Variants in RGS17 observed in about 807,000 individuals in gnomAD.
RGS17 encodes regulator of G protein signaling 17.
Under a neutral mutation model 25.5 loss-of-function variants are expected in RGS17, and 12 were observed. The observed-to-expected ratio is 0.47, with a 90% CI of 0.30 to 0.76. The LOEUF (loss-of-function observed/expected upper bound fraction) is 0.76. Ranked by LOEUF, RGS17 falls within the 30% of genes least tolerant of loss-of-function variation. The probability of loss-of-function intolerance (pLI) is 0.07; values close to 1 mark genes in which losing one functional copy is unlikely to be tolerated. For missense variants in RGS17, 196 were observed against 242.2 expected (o/e 0.81, Z 1.27); for synonymous variants, 71 against 76.9 (o/e 0.92, Z 0.40).
chr6:153,027,542 TC>T (rs1779315676), intron 2 of RGS17, among the ~76,000 whole-genome samples: 1 of 152,152 alleles, frequency 6.6e-6, no homozygotes, highest in South Asian at 2.1e-4. Context: ...TCTCATTTGT[TC>T]CTTCTTTCAC....
chr6:153,058,526 C>T (rs1027541690), intron 1 of RGS17, among the ~76,000 whole-genome samples: 3 of 152,154 alleles, frequency 2.0e-5, no homozygotes, highest in Non-Finnish European at 4.4e-5. Context: ...TCATTATAAC[C>T]GTCGCTGTCT....
intron 1 of RGS17, among the ~76,000 whole-genome samples, chr6:153,078,568 T>C (rs994978129): frequency 2.6e-5 from 4 of 151,084 alleles, no homozygotes; most frequent in Non-Finnish European, 5.9e-5. Flanking sequence ...AACTTACAAA[T>C]TGCTTTTAAA....
At chr6:153,051,886 G>C (rs369627374) in intron 1 of RGS17, among the ~76,000 whole-genome samples, 184 of 152,316 alleles carry the variant, frequency 1.2e-3, no homozygotes, top group African/African-American at 4.3e-3. Flanking sequence ...GACTGAATTA[G>C]CTACCTCAGC....
At chr6:153,095,536 G>T (rs1777197499) in intron 1 of RGS17, among the ~76,000 whole-genome samples, 1 of 152,034 alleles carries the variant, frequency 6.6e-6, no homozygotes, top group African/African-American at 2.4e-5. Context: ...AATATAGCAG[G>T]CTTTGGGATA....
chr6:153,105,450 TA>T (rs541483994), intron 1 of RGS17, among the ~76,000 whole-genome samples: 4 of 151,968 alleles, frequency 2.6e-5, no homozygotes, highest in Non-Finnish European at 5.9e-5. Flanking sequence ...TAAAATAAAA[TA>T]AAAAATAAAA....
intron 4 of RGS17, among the ~76,000 whole-genome samples, chr6:153,016,482 A>G (rs1301265821): frequency 2.0e-5 from 3 of 152,214 alleles, no homozygotes; most frequent in East Asian, 3.9e-4. Flanking sequence ...AAGTAGTATC[A>G]TTAAATATAG....
intron 1 of RGS17, among the ~76,000 whole-genome samples, chr6:153,118,966 C>A (rs1490785011): frequency 6.6e-6 from 1 of 152,070 alleles, no homozygotes; most frequent in Non-Finnish European, 1.5e-5. Flanking sequence ...ACATTTTTAT[C>A]CTATCTTATG....
At chr6:153,081,665 T>G (rs974837174) in intron 1 of RGS17, among the ~76,000 whole-genome samples, 6 of 152,162 alleles carry the variant, frequency 3.9e-5, no homozygotes, top group African/African-American at 1.4e-4. Context: ...CATACTTTGA[T>G]TTTACATGCC....
rs565459714 is a variant in RGS17 at position 153,127,418 on chromosome 6, C to T, written c.-26+3706G>A. On this transcript the variant is annotated intron_variant, in intron 1 of 4. Coordinates refer to ENST00000206262, the MANE Select transcript of RGS17 (RefSeq NM_012419.5). Reference sequence around the variant, plus strand: ...TTGAGATAATTATAAGCACTCAGTACATGCCAAGCACTATGTTCAGTACTT... The same window carrying T: ...TTGAGATAATTATAAGCACTCAGTATATGCCAAGCACTATGTTCAGTACTT... Among the ~76,000 whole-genome samples, 11 of 152,340 alleles carry T rather than the reference C, an allele frequency of 7.2e-5. No homozygotes were observed. In the South Asian group the frequency reaches 2.3e-3, roughly 32 times the overall value.
chr6:153,058,659 G>A (rs572906551), intron 1 of RGS17, among the ~76,000 whole-genome samples: 4 of 152,314 alleles, frequency 2.6e-5, no homozygotes, highest in South Asian at 2.1e-4. Context: ...GGGTGGACAA[G>A]GAAGCAATTC....
chr6:153,063,771 A>G (rs1234035230), intron 1 of RGS17, among the ~76,000 whole-genome samples: 1 of 152,200 alleles, frequency 6.6e-6, no homozygotes, highest in Admixed American at 6.5e-5. Context: ...GATTTAACCC[A>G]AAGAAGATTA....
chr6:153,022,855 C>T (rs893658393), intron 4 of RGS17, among the ~76,000 whole-genome samples: 1 of 152,116 alleles, frequency 6.6e-6, no homozygotes, highest in African/African-American at 2.4e-5. Flanking sequence ...TACAGTGTGA[C>T]ATCAGTAACA....
rs2129128412 is a variant in RGS17, at chr6:153,131,158, G to A, written c.-60C>T. 1 of 152,218 alleles carries A rather than the reference G, an allele frequency of 6.6e-6. No homozygotes were observed. The highest frequency in any genetic ancestry group is 2.4e-5 in the African/African-American group (1 of 41,514). The allele number at this position is 152,218 out of a possible 1,614,324, so 9.4% of individuals were successfully genotyped here. A position where few individuals can be genotyped will look rare whatever the true frequency, so the allele number is the denominator to read the frequency against. ...TGGAGGTGTGGGCAGCGCGCCGATG[G>A]GTCCGGGGGAGCGGGGCTGGGCGGC... On this transcript the variant is annotated 5_prime_UTR_variant, in exon 1 of 5. Coordinates refer to ENST00000206262, the MANE Select transcript of RGS17 (RefSeq NM_012419.5).
chr6:153,059,175 A>C (rs976058064), intron 1 of RGS17, among the ~76,000 whole-genome samples: 6 of 152,210 alleles, frequency 3.9e-5, no homozygotes, highest in African/African-American at 1.2e-4. Flanking sequence ...AGATAAATAT[A>C]TAAAAAGACT....
chr6:153,079,858 T>C (rs550641050), intron 1 of RGS17, among the ~76,000 whole-genome samples: 1 of 152,352 alleles, frequency 6.6e-6, no homozygotes, highest in South Asian at 2.1e-4. Context: ...TTTGTGAAGA[T>C]TCATATTAAT....
chr6:153,127,970 G>A (rs530505672), intron 1 of RGS17, among the ~76,000 whole-genome samples: 1 of 152,194 alleles, frequency 6.6e-6, no homozygotes, highest in Non-Finnish European at 1.5e-5. Context: ...ACAATAGCAG[G>A]AATGATCGTC....
At position 153,007,360 on chromosome 6, in the gene RGS17, G is replaced by A. The variant is rs933035544; in HGVS notation, c.*4214C>T. Reference sequence around the variant, plus strand: ...TTTTTGCAGGAGAACAAACCCATTGGTCAGAAATTTGAAGATGGAAAACAC... The same window carrying A: ...TTTTTGCAGGAGAACAAACCCATTGATCAGAAATTTGAAGATGGAAAACAC... On this transcript the variant is annotated 3_prime_UTR_variant, in exon 5 of 5. Transcript: ENST00000206262. 6.6e-6 allele frequency: 1 copy of A among 152,036 alleles called. No homozygotes were observed. The highest frequency in any genetic ancestry group is 1.5e-5 in the Non-Finnish European group (1 of 68,008). The allele number at this position is 152,036 out of a possible 1,614,324, so 9.4% of individuals were successfully genotyped here.
intron 4 of RGS17, among the ~76,000 whole-genome samples, chr6:153,018,221 C>T (rs1446720875): frequency 3.3e-5 from 5 of 151,704 alleles, no homozygotes; most frequent in Non-Finnish European, 7.4e-5. Flanking sequence ...TGAAGTTCTA[C>T]GGTTGGGTTT....
Position 153,130,338 on chromosome 6 carries a change from C to A in RGS17, c.-26+786G>T, listed in dbSNP as rs1777768516. Among the ~76,000 whole-genome samples, 1 of 152,104 alleles carries A rather than the reference C, an allele frequency of 6.6e-6. No homozygotes were observed. Among genetic ancestry groups the A allele is most frequent in the Non-Finnish European group, 1.5e-5 (1 of 68,018 alleles). On this transcript the variant is annotated intron_variant, in intron 1 of 4. Coordinates refer to ENST00000206262, the MANE Select transcript of RGS17 (RefSeq NM_012419.5). This position sits in a 1 kb window ranked among gnomAD's most constrained non-coding sequence, Gnocchi z 6.4. ...CGATGCGCCCACCCGGGCAGCGACTCGCGGTTGGTGGGCGTTCCTCGTCCT... is the reference window on the plus strand; with the variant it reads ...CGATGCGCCCACCCGGGCAGCGACTAGCGGTTGGTGGGCGTTCCTCGTCCT...
Sources: allele counts gnomAD v4.1 joint callset (sites outside exome capture counted in the v4.1 genomes callset), GRCh38; gene constraint gnomAD v4.1.1; non-coding constraint Gnocchi (gnomAD v3.1); transcripts MANE v1.5; gene names NCBI Gene and HGNC (gene_info 2026-07-23, HGNC 2026-07-21).